Variants in RALGAPA2 observed in about 807,000 individuals in gnomAD.
The protein encoded by RALGAPA2 is ral GTPase-activating protein subunit alpha-2.
In RALGAPA2, 139 loss-of-function variants were observed where a neutral mutation model predicts 230.4. That is an observed-to-expected ratio of 0.60 (90% CI 0.53 to 0.69). The LOEUF (loss-of-function observed/expected upper bound fraction) is 0.69, where lower values mean the gene tolerates loss of function less well. RALGAPA2 is among the 30% of genes least tolerant of loss of function. The pLI is 0.00. For synonymous variants in RALGAPA2, 847 were observed against 837.8 expected (o/e 1.01, Z -0.19); for missense variants, 2,163 against 2,276.0 (o/e 0.95, Z 1.01).
intron 36 of RALGAPA2, among the ~76,000 whole-genome samples, chr20:20,475,756 G>C (rs973915280): frequency 1.3e-5 from 2 of 152,040 alleles, no homozygotes; most frequent in African/African-American, 4.8e-5. Context: ...AAAATTAAGA[G>C]AAAGAAAGAA....
At chr20:20,458,971 C>G (rs910267367) in intron 37 of RALGAPA2, among the ~76,000 whole-genome samples, 2 of 150,958 alleles carry the variant, frequency 1.3e-5, no homozygotes, top group African/African-American at 4.9e-5. Flanking sequence ...TCAACAGGAA[C>G]CTTCATAGAA....
intron 17 of RALGAPA2, among the ~76,000 whole-genome samples, chr20:20,590,410 G>C (rs1304876814): frequency 6.6e-6 from 1 of 152,014 alleles, no homozygotes; most frequent in African/African-American, 2.4e-5. Context: ...GGATTTCTAA[G>C]ACAGAATAAT....
At chr20:20,470,759 G>A (rs1017781799) in intron 37 of RALGAPA2, among the ~76,000 whole-genome samples, 1 of 152,116 alleles carries the variant, frequency 6.6e-6, no homozygotes, top group Non-Finnish European at 1.5e-5. Context: ...GCTATTTAAT[G>A]TTATTCTAAC....
At chr20:20,470,617 G>A (rs1424028765) in intron 37 of RALGAPA2, among the ~76,000 whole-genome samples, 4 of 152,054 alleles carry the variant, frequency 2.6e-5, no homozygotes, top group Admixed American at 2.0e-4. Context: ...TATAACCTGA[G>A]GGTCCCAGTG....
In RALGAPA2 at chr20:20,494,189, T is replaced by C. The variant is rs114389117; in HGVS notation, c.5367+928A>G. ...AACTTTAACCCTTTAGATTAGGTCA[T>C]AAATCCCAATATGAACAATAAATCT... On this transcript the variant is annotated intron_variant, in intron 36 of 39. Coordinates refer to ENST00000202677, the MANE Select transcript of RALGAPA2 (RefSeq NM_020343.4). Among the ~76,000 whole-genome samples the C allele has an allele frequency of 3.8e-3, 572 of 152,332 alleles. 3 individuals are homozygous for C. The highest frequency in any genetic ancestry group is 0.013 in the African/African-American group (548 of 41,582).
chr20:20,701,013 GTTAC>G lies in RALGAPA2; in HGVS notation c.106+11358_106+11361del, dbSNP rs377714074. Among the ~76,000 whole-genome samples the G allele has an allele frequency of 3.2e-3, 485 of 152,234 alleles. 2 individuals are homozygous for G. The highest frequency in any genetic ancestry group is 0.011 in the African/African-American group (468 of 41,546). ...GGTTGTTGTGGGTTTTTTTTAAAAA[GTTAC>G]TTATTCTAAACTAAGATTGCAAGCT... is the stretch of plus-strand genomic sequence containing the variant. On this transcript the variant is annotated intron_variant, in intron 1 of 39. Coordinates refer to ENST00000202677, the MANE Select transcript of RALGAPA2 (RefSeq NM_020343.4).
chr20:20,607,395 A>AT (rs2065854245), intron 14 of RALGAPA2, among the ~76,000 whole-genome samples: 1 of 152,220 alleles, frequency 6.6e-6, no homozygotes, highest in African/African-American at 2.4e-5. Flanking sequence ...AAAACAAGAT[A>AT]TTAACCACTT....
At position 20,629,525 on chromosome 20, in the gene RALGAPA2, C is replaced by G; in HGVS notation, c.1071G>C (p.Gln357His). 1 of 1,613,910 alleles carries G rather than the reference C, an allele frequency of 6.2e-7. No individual in the cohort carries two copies. The highest frequency in any genetic ancestry group is 8.5e-7 in the Non-Finnish European group (1 of 1,179,884). Residue 357 changes from glutamine to histidine, a missense_variant, in exon 10 of 40, where the codon CAG becomes CAC. Physicochemically the swap from Gln to His is conservative, Grantham distance 24. Transcript: ENST00000202677. ...TGCTGCTGTTAGAATGGCTTTTGTC[C>G]TGCTCCGTGGGCCCACCACCATCCA... ...PELDGGGPTE[Q>H]DKSHSNSSTL...
At chr20:20,465,149 TCACACACACACA>T (rs74180992) in intron 37 of RALGAPA2, among the ~76,000 whole-genome samples, 78 of 109,236 alleles carry the variant, frequency 7.1e-4, no homozygotes, top group East Asian at 2.2e-3. Flanking sequence ...CCGCAGGCCT[TCACACACACACA>T]CACACACACA....
At chr20:20,484,970 G>A (rs2061871483) in intron 36 of RALGAPA2, among the ~76,000 whole-genome samples, 1 of 152,116 alleles carries the variant, frequency 6.6e-6, no homozygotes, top group African/African-American at 2.4e-5. Flanking sequence ...CCCATGGCCT[G>A]TGGGCCACAT....
chr20:20,508,221 G>A (rs907741104), intron 33 of RALGAPA2, among the ~76,000 whole-genome samples: 2 of 152,212 alleles, frequency 1.3e-5, no homozygotes, highest in Admixed American at 1.3e-4. Context: ...CTGCTAGGAT[G>A]CAGAAGCTGT....
At chr20:20,619,250 G>C (rs773703668) in intron 12 of RALGAPA2, 27 bp downstream of exon 12, 129 of 1,570,286 alleles carry the variant, frequency 8.2e-5, no homozygotes, top group Admixed American at 2.7e-4. Flanking sequence ...CGGTGGAGGG[G>C]TCTTCATGTC....
intron 24 of RALGAPA2, among the ~76,000 whole-genome samples, chr20:20,543,628 G>A (rs562314646): frequency 2.0e-5 from 3 of 152,146 alleles, no homozygotes; most frequent in African/African-American, 7.2e-5. Context: ...ACTATCGCAA[G>A]GACAAAAAAC....
At chr20:20,629,140 G>C (rs1306037271) in intron 10 of RALGAPA2, among the ~76,000 whole-genome samples, 5 of 152,052 alleles carry the variant, frequency 3.3e-5, no homozygotes, top group Non-Finnish European at 7.3e-5. Context: ...TTCCCTCCTT[G>C]TGTAAATATT....
At chr20:20,498,794 C>T (rs1315731168) in intron 35 of RALGAPA2, among the ~76,000 whole-genome samples, 1 of 152,158 alleles carries the variant, frequency 6.6e-6, no homozygotes, top group Non-Finnish European at 1.5e-5. Flanking sequence ...ATGTGGCTGG[C>T]CAGCCTGAGG....
In RALGAPA2 at chr20:20,505,532, C is replaced by T. The variant is rs763921980; in HGVS notation, c.4931G>A (p.Arg1644His). The T allele has an allele frequency of 1.1e-5, 18 of 1,569,274 alleles. No individual in the cohort carries two copies. The highest frequency in any genetic ancestry group is 2.8e-5 in the African/African-American group (2 of 72,590). Reference sequence around the variant, plus strand: ...AAACACTGCGATTTTGTGTGTCTCACGGCTATAAATTTTTAAATTTAAAGG... The same window carrying T: ...AAACACTGCGATTTTGTGTGTCTCATGGCTATAAATTTTTAAATTTAAAGG... ...ELKNLDSRQC[R>H]ETHKIAVFYI... The change falls in exon 34 of 40, where the codon CGT (arginine) becomes CAT (histidine). Residue 1644 changes from arginine to histidine, a missense_variant and splice_region_variant. Coordinates refer to ENST00000202677, the MANE Select transcript of RALGAPA2 (RefSeq NM_020343.4).
intron 24 of RALGAPA2, 38 bp downstream of exon 24, chr20:20,546,666 C>A: frequency 6.4e-7 from 1 of 1,553,274 alleles, no homozygotes; most frequent in Non-Finnish European, 8.7e-7. Context: ...ATTGTGAAGC[C>A]TCTTGGGAGC....
intron 3 of RALGAPA2, among the ~76,000 whole-genome samples, chr20:20,675,785 T>C (rs1378767061): frequency 6.6e-6 from 1 of 152,090 alleles, no homozygotes; most frequent in African/African-American, 2.4e-5. Context: ...TTTATATATA[T>C]ATGTATTTAT....
chr20:20,562,341 A>C (rs945700518), intron 23 of RALGAPA2, among the ~76,000 whole-genome samples: 5 of 152,122 alleles, frequency 3.3e-5, no homozygotes, highest in South Asian at 2.1e-4. Flanking sequence ...CCAGAGAGAA[A>C]CCTCAGAGCA....
Sources: allele counts gnomAD v4.1 joint callset (sites outside exome capture counted in the v4.1 genomes callset), GRCh38; gene constraint gnomAD v4.1.1; transcripts MANE v1.5; gene names NCBI Gene and HGNC (gene_info 2026-07-23, HGNC 2026-07-21).